LARP4: variants seen among roughly 807,000 people sequenced by gnomAD.
LARP4 encodes la-related protein 4.
In LARP4, 29 loss-of-function variants were observed where a neutral mutation model predicts 92.9. The ratio of observed to expected loss-of-function variants is 0.31; its 90% CI spans 0.23 to 0.43. The LOEUF (loss-of-function observed/expected upper bound fraction) is 0.43, where lower values mean the gene tolerates loss of function less well. LARP4 is among the 20% of genes least tolerant of loss of function. The probability of loss-of-function intolerance (pLI) is 1.00; values close to 1 mark genes in which losing one functional copy is unlikely to be tolerated. For missense variants in LARP4, 732 were observed against 860.0 expected (o/e 0.85, Z 1.86); for synonymous variants, 279 against 284.1 (o/e 0.98, Z 0.18).
rs143312629 is a variant in LARP4, at chr12:50,404,283, T to C, written c.18+3255T>C. 3.2e-4 allele frequency among the ~76,000 whole-genome samples: 49 copies of C among 152,250 alleles called. 1 individual carries two copies. The highest frequency in any genetic ancestry group is 1.4e-3 in the Admixed American group (21 of 15,280). ...AACTTGCCTAAGTTTATACAGCTAGTGAACATGGAAGCTTGTATTAGAACT... is the reference window on the plus strand; with the variant it reads ...AACTTGCCTAAGTTTATACAGCTAGCGAACATGGAAGCTTGTATTAGAACT... On this transcript the variant is annotated intron_variant, in intron 1 of 15. Transcript: ENST00000398473.
Position 50,474,049 on chromosome 12 carries a change from A to G in LARP4, c.1718A>G (p.Asp573Gly). 1 of 1,612,438 alleles carries G rather than the reference A, an allele frequency of 6.2e-7. No individual in the cohort carries two copies. Among genetic ancestry groups the G allele is most frequent in the Non-Finnish European group, 8.5e-7 (1 of 1,179,936 alleles). Residue 573 changes from aspartate to glycine, a missense_variant, in exon 15 of 16, where the codon GAT becomes GGT. Physicochemically the swap from Asp to Gly is moderately conservative, Grantham distance 94. Transcript: ENST00000398473. ...DLIEDSSVQK[D>G]GLNQTTIPVS... ...ATAGAAGATTCCTCTGTTCAGAAGG[A>G]TGGTCTCAATCAGACAACTATACCA...
intron 4 of LARP4, among the ~76,000 whole-genome samples, chr12:50,430,839 T>G (rs1949543235): frequency 6.6e-6 from 1 of 151,996 alleles, no homozygotes; most frequent in Non-Finnish European, 1.5e-5. Flanking sequence ...TATTTGTATT[T>G]TTAGTAGAGA....
chr12:50,441,735 C>G, intron 8 of LARP4, 92 bp downstream of exon 8: 1 of 1,068,790 alleles, frequency 9.4e-7, no homozygotes, highest in Non-Finnish European at 1.4e-6. Flanking sequence ...TTTATAAAAA[C>G]CCATAGTGAC....
chr12:50,429,039 G>C lies in LARP4; in HGVS notation c.271G>C (p.Gly91Arg). 1 of 1,611,706 alleles carries C rather than the reference G, an allele frequency of 6.2e-7. No individual in the cohort carries two copies. Among genetic ancestry groups the C allele is most frequent in the South Asian group, 1.1e-5 (1 of 90,662 alleles). ...NTTGIEESTD[G>R]MILGPEDLSY... The stretch of plus-strand genomic sequence containing the variant: ...TACAGGCATTGAAGAATCAACTGAT[G>C]GGATGATTTTAGGACCAGAAGATCT... Residue 91 changes from glycine (G) to arginine (R), a missense_variant, in exon 3 of 16, where the codon GGG (glycine) becomes CGG (arginine). This residue lies in a region of LARP4 where 236 missense variants were observed against 307.6 expected (regional missense o/e 0.77). Transcript: ENST00000398473.
At chr12:50,427,369 A>C (rs1366402386) in intron 1 of LARP4, among the ~76,000 whole-genome samples, 1 of 151,964 alleles carries the variant, frequency 6.6e-6, no homozygotes, top group Non-Finnish European at 1.5e-5. Flanking sequence ...TTTCTATTTT[A>C]TTTATTTTTC....
chr12:50,460,660 G>C (rs1955209064), intron 10 of LARP4, among the ~76,000 whole-genome samples: 1 of 151,972 alleles, frequency 6.6e-6, no homozygotes, highest in South Asian at 2.1e-4. Flanking sequence ...CTTCACTTTG[G>C]CCTGGCACGG....
chr12:50,400,928 C>T lies in LARP4; in HGVS notation c.-83C>T. 6 of 1,591,322 alleles carry T rather than the reference C, an allele frequency of 3.8e-6. No individual in the cohort carries two copies. The South Asian group carries it at 5.5e-5, about 15-fold the overall frequency. On this transcript the variant is annotated 5_prime_UTR_variant, in exon 1 of 16. Transcript: ENST00000398473. ...GTGGAGGGGCAAGGCGAGTGTGTGT[C>T]CTTATCCTAGCAATTGGGGCGCGGG...
intron 3 of LARP4, among the ~76,000 whole-genome samples, chr12:50,429,963 A>C (rs1277095916): frequency 6.6e-6 from 1 of 152,150 alleles, no homozygotes; most frequent in Non-Finnish European, 1.5e-5. Context: ...AGTATTGTGC[A>C]TTGTTAATTT....
At chr12:50,439,397 A>AT in intron 6 of LARP4, among the ~76,000 whole-genome samples, 1 of 151,934 alleles carries the variant, frequency 6.6e-6, no homozygotes, top group African/African-American at 2.4e-5. Context: ...ATGTTAAGAA[A>AT]TTTTTCCTCA....
At chr12:50,434,167 A>G (rs1268849108) in intron 4 of LARP4, among the ~76,000 whole-genome samples, 1 of 152,140 alleles carries the variant, frequency 6.6e-6, no homozygotes, top group African/African-American at 2.4e-5. Context: ...GGGTGGTTGC[A>G]GTTTTAAATA....
At position 50,478,455 on chromosome 12, in the gene LARP4, C is replaced by A. The variant is rs533085779; in HGVS notation, c.*2591C>A. ...TTGTGTGAAGCTCTTGGCTTTTTTC[C>A]AACGTTACTTTGTAACTAATGAGGG... On this transcript the variant is annotated 3_prime_UTR_variant, in exon 16 of 16. Transcript: ENST00000398473. 7.9e-5 allele frequency: 12 copies of A among 152,044 alleles called. No homozygotes were observed. Among genetic ancestry groups the A allele is most frequent in the African/African-American group, 2.9e-4 (12 of 41,528 alleles). 9.4% of individuals were successfully genotyped at this position (152,044 alleles called of 1,614,324 possible). A position where few individuals can be genotyped will look rare whatever the true frequency, so the allele number is the denominator to read the frequency against.
rs893577661 is a variant in LARP4, at chr12:50,477,120, A to G, written c.*1256A>G. 3.9e-5 allele frequency: 6 copies of G among 152,506 alleles called. No homozygotes were observed. The highest frequency in any genetic ancestry group is 1.4e-4 in the African/African-American group (6 of 41,432). 9.4% of individuals were successfully genotyped at this position (152,506 alleles called of 1,614,324 possible). On this transcript the variant is annotated 3_prime_UTR_variant, in exon 16 of 16. Transcript: ENST00000398473. ...TCTCCCCCCACACCCAACAAAATAC[A>G]GTTTGGAATTCACTGAAACAGTACC...
At chr12:50,467,857 G>GTT (rs11401894) in intron 13 of LARP4, among the ~76,000 whole-genome samples, 241 of 146,880 alleles carry the variant, frequency 1.6e-3, no homozygotes, top group South Asian at 3.0e-3. Context: ...TTCTAATTCA[G>GTT]TTTTTTTTTT....
intron 1 of LARP4, among the ~76,000 whole-genome samples, chr12:50,404,681 G>GTTTT (rs1162590362): frequency 1.0e-4 from 7 of 67,350 alleles, no homozygotes; most frequent in African/African-American, 1.4e-4. Flanking sequence ...GGTTCAAGCA[G>GTTTT]TTTTTTTTTT....
chr12:50,462,544 T>TCCACC (rs755787462), intron 11 of LARP4, 38 bp from the exon 12 acceptor site: 4 of 774,038 alleles, frequency 5.2e-6, no homozygotes, highest in African/African-American at 1.8e-5. Flanking sequence ...GACTTGTCCC[T>TCCACC]CCACCCCACC....
intron 8 of LARP4, among the ~76,000 whole-genome samples, chr12:50,442,761 GAC>G (rs1450055938): frequency 6.6e-6 from 1 of 152,186 alleles, no homozygotes; most frequent in Non-Finnish European, 1.5e-5. Context: ...AGGATAATAA[GAC>G]ACGAGGGTAA....
rs1949121501 is a variant in LARP4 at position 50,428,277 on chromosome 12, C to T, written c.166+368C>T. ...TCCTGACCTCAAGTGATCCACCAGC[C>T]TCGGCCTCCCAAAGTGCTGGGATTA... is the stretch of plus-strand genomic sequence containing the variant. On this transcript the variant is annotated intron_variant, in intron 2 of 15. Coordinates refer to ENST00000398473, the MANE Select transcript of LARP4 (RefSeq NM_052879.5). Among the ~76,000 whole-genome samples, 2 of 152,098 alleles carry T rather than the reference C, an allele frequency of 1.3e-5. 1 individual carries two copies. The highest frequency in any genetic ancestry group is 1.3e-4 in the Admixed American group (2 of 15,278).
rs1253704105 is a variant in LARP4, at chr12:50,476,476, TTTTTTTTTCTAG to T, written c.*616_*627del. 1 of 152,096 alleles carries T rather than the reference TTTTTTTTTCTAG, an allele frequency of 6.6e-6. No homozygotes were observed. The highest frequency in any genetic ancestry group is 2.4e-5 in the African/African-American group (1 of 41,248). The allele number at this position is 152,096 out of a possible 1,614,324, so 9.4% of individuals were successfully genotyped here. On this transcript the variant is annotated 3_prime_UTR_variant, in exon 16 of 16. Coordinates refer to ENST00000398473, the MANE Select transcript of LARP4 (RefSeq NM_052879.5). ...AAACTGAATGTAATACTTGAGTAGA[TTTTTTTTTCTAG>T]TTTGAAATTTAGTCTGTCTTTTTGA...
At chr12:50,431,066 G>A (rs1478827624) in intron 4 of LARP4, among the ~76,000 whole-genome samples, 1 of 151,992 alleles carries the variant, frequency 6.6e-6, no homozygotes, top group Non-Finnish European at 1.5e-5. Flanking sequence ...CTGGGAGTTC[G>A]AGACCTGCCT....
Sources: gnomAD v4.1 joint callset for allele counts (sites outside exome capture counted in the v4.1 genomes callset) on GRCh38, gnomAD v4.1.1 for gene constraint, gnomAD v4.1.1 regional missense constraint, MANE v1.5 for transcripts, NCBI Gene and HGNC (gene_info 2026-07-23, HGNC 2026-07-21) for gene names.